ABCA4: variants seen among roughly 807,000 people sequenced by gnomAD.
The protein encoded by ABCA4 is ATP binding cassette subfamily A member 4.
A neutral mutation model predicts 263.7 loss-of-function variants in ABCA4; 196 were observed. The ratio of observed to expected loss-of-function variants is 0.74; its 90% CI spans 0.66 to 0.84. The LOEUF (loss-of-function observed/expected upper bound fraction) is 0.84. Among genes scored for constraint, ABCA4 ranks in the 40% least tolerant of loss-of-function variants. ABCA4 has a pLI of 0.00. For synonymous variants in ABCA4, 1,133 were observed against 1,094.2 expected, an observed-to-expected ratio of 1.04 and a Z score of -0.70; for missense variants, 2,792 against 2,855.1, an observed-to-expected ratio of 0.98 and a Z score of 0.50.
At chr1:94,067,219 TAA>T (rs1021043610) in intron 11 of ABCA4, among the ~76,000 whole-genome samples, 1 of 152,014 alleles carries the variant, frequency 6.6e-6, no homozygotes, top group African/African-American at 2.4e-5. Flanking sequence ...GTATACCTCT[TAA>T]AACAAAAAAG....
chr1:94,061,209 C>T lies in ABCA4; in HGVS notation c.1938-450G>A, dbSNP rs185582164. 2.6e-4 allele frequency among the ~76,000 whole-genome samples: 39 copies of T among 152,268 alleles called. No homozygotes were observed. In the East Asian group the frequency reaches 7.5e-3, roughly 29 times the overall value. On this transcript the variant is annotated intron_variant, in intron 13 of 49. Coordinates refer to ENST00000370225, the MANE Select transcript of ABCA4 (RefSeq NM_000350.3). ...CTTGGCTCCCCAAGGGGTCAGCCGC[C>T]CCAGCACAGTCTGCCCTGGAAGGTC...
At chr1:94,108,783 G>T in intron 3 of ABCA4, 67 bp from the exon 4 acceptor site, 1 of 1,573,664 alleles carries the variant, frequency 6.4e-7, no homozygotes, top group South Asian at 1.1e-5. Context: ...AATATCTCAT[G>T]CTATTTTTTT....
At chr1:94,043,519 C>T in intron 20 of ABCA4, 44 bp from the exon 21 acceptor site, 1 of 1,612,472 alleles carries the variant, frequency 6.2e-7, no homozygotes, top group Non-Finnish European at 8.5e-7. Context: ...TTAGCACTTC[C>T]ACTTCCAGCA....
chr1:94,040,079 G>C lies in ABCA4; in HGVS notation c.3571C>G (p.His1191Asp). The change falls in exon 24 of 50, where the codon CAC becomes GAC. Residue 1191 changes from histidine (H) to aspartate (D), a missense_variant. By Grantham distance (81) the His-to-Asp change is moderately conservative. Transcript: ENST00000370225. Reference sequence around the variant, plus strand: ...TGTTCTGGAGTTAGGTCATCGACGTGGGCTGGACACGTGGTGGAGAAACCC... The same window carrying C: ...TGTTCTGGAGTTAGGTCATCGACGTCGGCTGGACACGTGGTGGAGAAACCC... ...SKGFSTTCPA[H>D]VDDLTPEQVL... 6.2e-7 allele frequency: 1 copy of C among 1,609,922 alleles called. No individual in the cohort carries two copies. Among genetic ancestry groups the C allele is most frequent in the Non-Finnish European group, 8.5e-7 (1 of 1,177,992 alleles).
At chr1:94,068,516 T>G (rs1402253936) in intron 11 of ABCA4, among the ~76,000 whole-genome samples, 3 of 152,214 alleles carry the variant, frequency 2.0e-5, no homozygotes, top group Non-Finnish European at 4.4e-5. Context: ...TGTATATTAG[T>G]GCACGTATGT....
intron 4 of ABCA4, among the ~76,000 whole-genome samples, chr1:94,107,320 G>A (rs1662461146): frequency 6.6e-6 from 1 of 152,114 alleles, no homozygotes; most frequent in African/African-American, 2.4e-5. Context: ...TTCCTCAGAG[G>A]GCACGCTCCA....
chr1:94,029,424 CG>C lies in ABCA4; in HGVS notation c.4539+20del, dbSNP rs1302378399. The C allele has an allele frequency of 6.5e-7, 1 of 1,539,202 alleles. No individual in the cohort carries two copies. Among genetic ancestry groups the C allele is most frequent in the Non-Finnish European group, 8.8e-7 (1 of 1,142,512 alleles). ...TCTGTGGCAGGCAGACCTGGGGCCC[CG>C]TTGTTTGGAGGTCAGGTACCTGGGG... On this transcript the variant is annotated intron_variant, in intron 30 of 49. Transcript: ENST00000370225.
At position 94,014,504 on chromosome 1, in the gene ABCA4, C is replaced by T. The variant is rs201593377; in HGVS notation, c.5460+39G>A. ...CTCGACCAACACATACTCTACTATC[C>T]TACTAATCAAACAAAAAAGCCAAGA... On this transcript the variant is annotated intron_variant, in intron 38 of 49. Transcript: ENST00000370225. The T allele has an allele frequency of 1.6e-5, 25 of 1,610,202 alleles. 1 individual carries two copies. In the East Asian group the frequency reaches 4.9e-4, roughly 32 times the overall value.
At position 94,083,456 on chromosome 1, in the gene ABCA4, A is replaced by T; in HGVS notation, c.769-15T>A. On this transcript the variant is annotated splice_polypyrimidine_tract_variant and intron_variant, in intron 6 of 49. Coordinates refer to ENST00000370225, the MANE Select transcript of ABCA4 (RefSeq NM_000350.3). ...AGTGTGGGAAGCTGTAATTGACAGT[A>T]AAACAATTTTTTAAATATATATATG... The T allele has an allele frequency of 6.3e-7, 1 of 1,593,434 alleles. No individual in the cohort carries two copies. Among genetic ancestry groups the T allele is most frequent in the Non-Finnish European group, 8.6e-7 (1 of 1,161,944 alleles).
intron 44 of ABCA4, among the ~76,000 whole-genome samples, chr1:94,003,983 T>C (rs1430369466): frequency 6.6e-6 from 1 of 152,124 alleles, no homozygotes; most frequent in Non-Finnish European, 1.5e-5. Flanking sequence ...TGGCATAAGA[T>C]ATTCCAGGTT....
chr1:94,043,309 GC>G, intron 21 of ABCA4, 26 bp downstream of exon 21: 2 of 1,613,768 alleles, frequency 1.2e-6, no homozygotes, highest in Non-Finnish European at 1.7e-6. Context: ...GCCATCTGTG[GC>G]CCTGTCTCCA....
chr1:94,042,017 C>T (rs1185371642), intron 22 of ABCA4, among the ~76,000 whole-genome samples: 4 of 145,594 alleles, frequency 2.7e-5, no homozygotes, highest in African/African-American at 1.0e-4. Context: ...GAGAATGGCT[C>T]GAACCCAGGA....
At chr1:94,019,830 G>T in intron 35 of ABCA4, 71 bp from the exon 36 acceptor site, 1 of 1,542,070 alleles carries the variant, frequency 6.5e-7, no homozygotes, top group Non-Finnish European at 8.8e-7. Context: ...AAGATACAAA[G>T]TCAGGCTTTG....
intron 12 of ABCA4, 62 bp downstream of exon 12, chr1:94,063,050 C>T: frequency 6.7e-7 from 1 of 1,483,714 alleles, no homozygotes; most frequent in Non-Finnish European, 9.4e-7. Flanking sequence ...CCCTTTCTCT[C>T]TACCAAATGT....
chr1:94,039,891 AAG>A, intron 24 of ABCA4, 150 bp downstream of exon 24: 1 of 722,312 alleles, frequency 1.4e-6, no homozygotes, highest in South Asian at 1.5e-5. Context: ...GAAGAGGAGA[AAG>A]AAGCTCAAAG....
chr1:94,048,421 C>T (rs1660745230), intron 18 of ABCA4, among the ~76,000 whole-genome samples: 1 of 152,224 alleles, frequency 6.6e-6, no homozygotes, highest in East Asian at 1.9e-4. Context: ...AATGAATGGC[C>T]TTCTAGATTT....
intron 49 of ABCA4, 142 bp downstream of exon 49, chr1:93,995,967 G>C: frequency 1.4e-6 from 1 of 700,806 alleles, no homozygotes; most frequent in Non-Finnish European, 2.5e-6. Flanking sequence ...ATGTGGTGGG[G>C]ACTTGGTAGG....
At chr1:94,011,428 A>G in intron 38 of ABCA4, 43 bp from the exon 39 acceptor site, 2 of 1,610,378 alleles carry the variant, frequency 1.2e-6, no homozygotes, top group Non-Finnish European at 1.7e-6. Context: ...GGCAAACCCC[A>G]CCCCCCCTCT....
In ABCA4 at chr1:94,007,754, C is replaced by T. The variant is rs1659431855; in HGVS notation, c.5899-14G>A. ...GAGGCCAAAGCACTAGGAGAAAACA[C>T]AGAGCTAGCCTGGCCCTAGAGATCA... On this transcript the variant is annotated splice_polypyrimidine_tract_variant and intron_variant, in intron 42 of 49. Coordinates refer to ENST00000370225, the MANE Select transcript of ABCA4 (RefSeq NM_000350.3). 1 of 1,606,664 alleles carries T rather than the reference C, an allele frequency of 6.2e-7. No homozygotes were observed. Among genetic ancestry groups the T allele is most frequent in the Non-Finnish European group, 8.5e-7 (1 of 1,173,372 alleles).
Sources: gnomAD v4.1 joint callset for allele counts (sites outside exome capture counted in the v4.1 genomes callset) on GRCh38, gnomAD v4.1.1 for gene constraint, MANE v1.5 for transcripts, NCBI Gene and HGNC (gene_info 2026-07-23, HGNC 2026-07-21) for gene names.